Variants in QTMAN observed in about 807,000 individuals in gnomAD.
QTMAN encodes the protein queuosine-tRNA mannosyltransferase.
the QTMAN span, among the ~76,000 whole-genome samples, chr2:143,986,644 T>C: frequency 6.6e-6 from 1 of 152,218 alleles, no homozygotes; most frequent in Non-Finnish European, 1.5e-5. Context: ...GATGGATAGA[T>C]GGTTAGATGG....
At chr2:144,205,062 A>G in the QTMAN span, among the ~76,000 whole-genome samples, 1 of 152,080 alleles carries the variant, frequency 6.6e-6, no homozygotes, top group Non-Finnish European at 1.5e-5. Flanking sequence ...GTTAATGGGT[A>G]CAGCACACCA....
the QTMAN span, among the ~76,000 whole-genome samples, chr2:144,301,935 A>T: frequency 6.6e-6 from 1 of 152,228 alleles, no homozygotes; most frequent in Admixed American, 6.5e-5. Context: ...TAAGTGGAAG[A>T]GTGTATAAAA....
chr2:144,138,188 G>C, the QTMAN span, among the ~76,000 whole-genome samples: 2 of 152,058 alleles, frequency 1.3e-5, no homozygotes, highest in African/African-American at 4.8e-5. Flanking sequence ...ACTGAAGAAT[G>C]TGTCATGGTG....
the QTMAN span, chr2:144,007,439 T>A: frequency 6.2e-7 from 1 of 1,613,348 alleles, no homozygotes; most frequent in East Asian, 2.2e-5. Context: ...CTCTCTGCTC[T>A]GGCTGAAAAG....
the QTMAN span, among the ~76,000 whole-genome samples, chr2:144,177,856 A>G: frequency 1.3e-5 from 2 of 152,216 alleles, no homozygotes; most frequent in African/African-American, 4.8e-5. Context: ...AGGTAAGATT[A>G]GAATTTTAAC....
chr2:144,014,482 T>TA, the QTMAN span, among the ~76,000 whole-genome samples: 15 of 152,158 alleles, frequency 9.9e-5, no homozygotes, highest in Non-Finnish European at 1.5e-4. Flanking sequence ...GAATCTGCGA[T>TA]AAGATAGGAA....
the QTMAN span, among the ~76,000 whole-genome samples, chr2:144,184,140 A>AT: frequency 4.1e-3 from 627 of 151,482 alleles, 5 homozygotes; most frequent in Non-Finnish European, 7.0e-3. Context: ...GTTTTTTATT[A>AT]TTTTTTTTTA....
the QTMAN span, among the ~76,000 whole-genome samples, chr2:144,150,518 C>T: frequency 2.0e-4 from 30 of 152,096 alleles, 1 homozygote; most frequent in Admixed American, 9.8e-4. Context: ...AAATTTAAAT[C>T]GACTAGCCAT....
the QTMAN span, among the ~76,000 whole-genome samples, chr2:143,954,858 T>C: frequency 3.3e-5 from 5 of 152,152 alleles, no homozygotes; most frequent in East Asian, 1.9e-4. Flanking sequence ...AACTGATCTA[T>C]TGTTAAAAAG....
At chr2:144,027,368 C>T in the QTMAN span, among the ~76,000 whole-genome samples, 2 of 152,294 alleles carry the variant, frequency 1.3e-5, no homozygotes, top group East Asian at 1.9e-4. Context: ...AATTACTCCT[C>T]GGACTCAGGT....
chr2:144,283,087 T>C, the QTMAN span, among the ~76,000 whole-genome samples: 2 of 152,192 alleles, frequency 1.3e-5, no homozygotes, highest in Non-Finnish European at 2.9e-5. Context: ...CTTTATCATA[T>C]CCTTTTTTAA....
At chr2:144,195,989 C>G in the QTMAN span, among the ~76,000 whole-genome samples, 38 of 152,132 alleles carry the variant, frequency 2.5e-4, no homozygotes, top group Admixed American at 2.4e-3. Context: ...TGAGCTATTG[C>G]TTGGTTTCCT....
At chr2:144,118,955 C>G in the QTMAN span, among the ~76,000 whole-genome samples, 1 of 152,112 alleles carries the variant, frequency 6.6e-6, no homozygotes, top group African/African-American at 2.4e-5. Context: ...GACTCAGCAA[C>G]TTTGGGTCCC....
At chr2:144,073,649 A>G in the QTMAN span, among the ~76,000 whole-genome samples, 1 of 152,228 alleles carries the variant, frequency 6.6e-6, no homozygotes, top group Non-Finnish European at 1.5e-5. Context: ...TTCTGATAAC[A>G]TAACGTTTGA....
the QTMAN span, among the ~76,000 whole-genome samples, chr2:144,078,934 G>T: frequency 2.5e-4 from 38 of 152,168 alleles, no homozygotes; most frequent in African/African-American, 9.1e-4. Flanking sequence ...AAAGATTGGC[G>T]ATTTGTTGAA....
chr2:144,157,135 A>G, the QTMAN span, among the ~76,000 whole-genome samples: 1 of 152,092 alleles, frequency 6.6e-6, no homozygotes, highest in Admixed American at 6.6e-5. Context: ...CTCACCAAGA[A>G]AAAAAGTTTG....
chr2:144,316,506 C>G, the QTMAN span, among the ~76,000 whole-genome samples: 1 of 152,148 alleles, frequency 6.6e-6, no homozygotes, highest in Non-Finnish European at 1.5e-5. Flanking sequence ...TGATCCAATT[C>G]AGCTTATGAT....
the QTMAN span, among the ~76,000 whole-genome samples, chr2:144,322,476 A>G: frequency 6.6e-6 from 1 of 152,190 alleles, no homozygotes; most frequent in Admixed American, 6.5e-5. Flanking sequence ...TTGTGTGAAA[A>G]TTATGTTGTT....
At chr2:144,290,546 A>C in the QTMAN span, among the ~76,000 whole-genome samples, 7 of 152,322 alleles carry the variant, frequency 4.6e-5, no homozygotes, top group Non-Finnish European at 8.8e-5. Context: ...CTGGCTTTCC[A>C]TATCAATGCA....
Sources: allele counts gnomAD v4.1 joint callset (sites outside exome capture counted in the v4.1 genomes callset), GRCh38; gene constraint gnomAD v4.1.1; transcripts MANE v1.5; gene names NCBI Gene and HGNC (gene_info 2026-07-23, HGNC 2026-07-21).